The following HECW2 variants were observed in gnomAD, a reference collection of about 807,000 sequenced individuals.
HECW2 encodes E3 ubiquitin-protein ligase HECW2.
HECW2 carries 61 observed loss-of-function variants against 175.2 expected under a neutral mutation model. The ratio of observed to expected loss-of-function variants is 0.35; its 90% CI spans 0.28 to 0.43. The LOEUF is 0.43. Among genes scored for constraint, HECW2 ranks in the 20% least tolerant of loss-of-function variants. The pLI, the probability that HECW2 is intolerant of heterozygous loss-of-function variation, is 1.00. For missense variants in HECW2, 1,524 were observed against 2,000.5 expected (o/e 0.76, Z 4.54); for synonymous variants, 671 against 731.0 (o/e 0.92, Z 1.32).
intron 14 of HECW2, among the ~76,000 whole-genome samples, chr2:196,279,396 C>T (rs1230909111): frequency 1.3e-5 from 2 of 152,174 alleles, no homozygotes; most frequent in East Asian, 1.9e-4. Context: ...TTCTCCTATA[C>T]AGTAAGCCAC....
chr2:196,202,345 A>T (rs1686889524), intron 28 of HECW2, among the ~76,000 whole-genome samples: 1 of 152,188 alleles, frequency 6.6e-6, no homozygotes, highest in South Asian at 2.1e-4. Flanking sequence ...AAATATAATT[A>T]ATATTCCTGG....
chr2:196,343,679 C>T lies in HECW2; in HGVS notation c.378G>A (p.Glu126=), dbSNP rs1692846066. 6.2e-7 allele frequency: 1 copy of T among 1,612,410 alleles called. No individual in the cohort carries two copies. The highest frequency in any genetic ancestry group is 8.5e-7 in the Non-Finnish European group (1 of 1,178,516). Residue 126 remains glutamate (E), a synonymous_variant, in exon 3 of 29, where the codon GAG becomes GAA. Transcript: ENST00000644978. ...TQKGQIVWRI[E]PGPYFMEPEI... is the part of the protein sequence containing the mutation. Reference sequence around the variant, plus strand: ...TACGTTCCATGAAATAGGGCCCAGGCTCAATTCTCCATACAATTTGCCCTT... The same window carrying T: ...TACGTTCCATGAAATAGGGCCCAGGTTCAATTCTCCATACAATTTGCCCTT...
chr2:196,587,415 G>A (rs1036913232), intron 1 of HECW2, among the ~76,000 whole-genome samples: 1 of 152,154 alleles, frequency 6.6e-6, no homozygotes, highest in Non-Finnish European at 1.5e-5. Context: ...CTACTGTTCT[G>A]AAATTGTCAC....
At chr2:196,580,385 G>T (rs1228283281) in intron 1 of HECW2, among the ~76,000 whole-genome samples, 1 of 152,028 alleles carries the variant, frequency 6.6e-6, no homozygotes, top group Non-Finnish European at 1.5e-5. Context: ...TATCAATAAA[G>T]TGAAAAAACA....
At chr2:196,273,346 C>A (rs903776510) in intron 16 of HECW2, among the ~76,000 whole-genome samples, 3 of 152,130 alleles carry the variant, frequency 2.0e-5, no homozygotes, top group East Asian at 1.9e-4. Flanking sequence ...GGGTTACAGG[C>A]GTGAGCCACT....
Position 196,228,268 on chromosome 2 carries a change from C to G in HECW2, c.3765-14G>C, listed in dbSNP as rs76713109. ...CTGTAATCCAGCCTGTAACAAAAAT[C>G]CACAAAAAGAATAATCTGTTACTTT... is the stretch of plus-strand genomic sequence containing the variant. On this transcript the variant is annotated splice_polypyrimidine_tract_variant and intron_variant, in intron 21 of 28. Transcript: ENST00000644978. 5.4e-3 allele frequency: 8,552 copies of G among 1,583,120 alleles called. 381 individuals are homozygous for G. The African/African-American group carries it at 0.1, about 19-fold the overall frequency.
chr2:196,425,085 T>C (rs1695506142), intron 2 of HECW2, among the ~76,000 whole-genome samples: 1 of 152,102 alleles, frequency 6.6e-6, no homozygotes, highest in Non-Finnish European at 1.5e-5. Context: ...TTAAGAATTA[T>C]ACTAAAGCCA....
At chr2:196,201,444 T>C in intron 28 of HECW2, 56 bp from the exon 29 acceptor site, 1 of 1,042,362 alleles carries the variant, frequency 9.6e-7, no homozygotes, top group Non-Finnish European at 1.5e-6. Context: ...AATGAAAATG[T>C]GTGTGGTGTG....
intron 27 of HECW2, 76 bp from the exon 28 acceptor site, chr2:196,216,053 G>A (rs530963142): frequency 2.0e-6 from 2 of 976,886 alleles, no homozygotes; most frequent in African/African-American, 1.6e-5. Flanking sequence ...GTCATTCACG[G>A]GCAGAGCTCC....
intron 1 of HECW2, among the ~76,000 whole-genome samples, chr2:196,474,578 G>A (rs1369829175): frequency 2.6e-5 from 4 of 152,174 alleles, no homozygotes; most frequent in Admixed American, 6.5e-5. Flanking sequence ...AAGGTCACAG[G>A]CCTTTAGTAG....
chr2:196,421,262 T>C (rs779709980), intron 2 of HECW2, among the ~76,000 whole-genome samples: 1 of 152,140 alleles, frequency 6.6e-6, no homozygotes, highest in African/African-American at 2.4e-5. Flanking sequence ...AAACTCTACA[T>C]GTACCAATTT....
intron 1 of HECW2, among the ~76,000 whole-genome samples, chr2:196,583,446 C>A (rs1425907451): frequency 6.6e-6 from 1 of 152,192 alleles, no homozygotes; most frequent in African/African-American, 2.4e-5. Context: ...ATGTGAGGAT[C>A]TTTTAAAAAT....
At position 196,198,326 on chromosome 2, in the gene HECW2, T is replaced by G. The variant is rs1327309916; in HGVS notation, c.*2951A>C. 6.6e-6 allele frequency: 1 copy of G among 152,192 alleles called. No individual in the cohort carries two copies. Among genetic ancestry groups the G allele is most frequent in the Non-Finnish European group, 1.5e-5 (1 of 68,030 alleles). 9.4% of individuals were successfully genotyped at this position (152,192 alleles called of 1,614,324 possible). On this transcript the variant is annotated 3_prime_UTR_variant, in exon 29 of 29. Coordinates refer to ENST00000644978, the MANE Select transcript of HECW2 (RefSeq NM_001348768.2). ...CATTGCTTCCCAATAGAAACAGCAT[T>G]GATGTAATTTTTTTTAGCCACACTA... is the stretch of plus-strand genomic sequence containing the variant.
intron 28 of HECW2, among the ~76,000 whole-genome samples, chr2:196,212,079 C>T (rs9288256): frequency 0.91 from 138,925 of 152,228 alleles, 64,759 homozygotes; most frequent in East Asian, 1. Flanking sequence ...TCAGGCAATC[C>T]GTCCGCCTTG....
At position 196,200,291 on chromosome 2, in the gene HECW2, C is replaced by T. The variant is rs981173355; in HGVS notation, c.*986G>A. 4 of 152,540 alleles carry T rather than the reference C, an allele frequency of 2.6e-5. No individual in the cohort carries two copies. The highest frequency in any genetic ancestry group is 9.7e-5 in the African/African-American group (4 of 41,426). 9.4% of individuals were successfully genotyped at this position (152,540 alleles called of 1,614,324 possible). ...TTAGTCATATTGTAATGTCCCTTCA[C>T]CTTTGGTACATTCAGTGCAAAATAT... On this transcript the variant is annotated 3_prime_UTR_variant, in exon 29 of 29. Transcript: ENST00000644978.
intron 2 of HECW2, among the ~76,000 whole-genome samples, chr2:196,396,209 C>T (rs1314472642): frequency 1.3e-5 from 2 of 151,938 alleles, no homozygotes. Context: ...TTGCCAGGGG[C>T]TGGGGAGAGG....
intron 2 of HECW2, among the ~76,000 whole-genome samples, chr2:196,404,848 A>G (rs1450626717): frequency 9.8e-6 from 1 of 101,916 alleles, no homozygotes; most frequent in African/African-American, 4.0e-5. Flanking sequence ...TTTTTGAGAC[A>G]TAGTCTCGCT....
chr2:196,325,194 G>T, intron 5 of HECW2, 45 bp from the exon 6 acceptor site: 1 of 1,406,868 alleles, frequency 7.1e-7, no homozygotes, highest in Non-Finnish European at 9.6e-7. Flanking sequence ...AGAGAAAGCA[G>T]GAGGGAGGGA....
At chr2:196,375,954 A>G (rs1367580887) in intron 2 of HECW2, among the ~76,000 whole-genome samples, 1 of 152,246 alleles carries the variant, frequency 6.6e-6, no homozygotes, top group Non-Finnish European at 1.5e-5. Flanking sequence ...TATGCCAGTT[A>G]GGAAAATCTG....
Sources: gnomAD v4.1 joint callset for allele counts (sites outside exome capture counted in the v4.1 genomes callset) on GRCh38, gnomAD v4.1.1 for gene constraint, MANE v1.5 for transcripts, NCBI Gene and HGNC (gene_info 2026-07-23, HGNC 2026-07-21) for gene names.